Variants in RHCE observed in about 807,000 individuals in gnomAD.
RHCE encodes the protein Rh blood group CcEe antigens.
Under a neutral mutation model 43.8 loss-of-function variants are expected in RHCE, and 22 were observed. The observed-to-expected ratio is 0.50, with a 90% CI of 0.36 to 0.72. RHCE has a LOEUF of 0.72. Ranked by LOEUF, RHCE falls within the 30% of genes least tolerant of loss-of-function variation. The pLI is 0.00. For synonymous variants in RHCE, 156 were observed against 210.7 expected (o/e 0.74, Z 2.25); for missense variants, 385 against 525.4 (o/e 0.73, Z 2.61).
chr1:25,426,293 C>T lies in RHCE; in HGVS notation c.-40+2660G>A, dbSNP rs561286418. 8.5e-5 allele frequency among the ~76,000 whole-genome samples: 13 copies of T among 152,288 alleles called. No individual in the cohort carries two copies. In the South Asian group the frequency reaches 2.7e-3, roughly 32 times the overall value. On this transcript the variant is annotated intron_variant, in intron 2 of 11. Coordinates refer to the RHCE transcript ENST00000349320. ...TATCCTTTCAGATGTTTTTCTATTC[C>T]TGTCGATTTAGGCCTTGTTTTTCTC... is the stretch of plus-strand genomic sequence containing the variant.
intron 6 of RHCE, among the ~76,000 whole-genome samples, chr1:25,387,931 G>A (rs957282619): frequency 1.3e-5 from 2 of 151,596 alleles, no homozygotes; most frequent in African/African-American, 4.9e-5. Flanking sequence ...AGTGATTCTC[G>A]CATCTCAGCC....
intron 3 of RHCE, 109 bp downstream of exon 3, chr1:25,402,487 A>G (rs1383348571): frequency 6.5e-7 from 1 of 1,543,938 alleles, no homozygotes; most frequent in African/African-American, 1.4e-5. Context: ...CAACCTCCCA[A>G]GTAGCTGGGA....
upstream of RHCE, among the ~76,000 whole-genome samples, chr1:25,422,034 T>C (rs937877966): frequency 6.6e-6 from 1 of 152,146 alleles, no homozygotes; most frequent in Non-Finnish European, 1.5e-5. Context: ...ACAATTCCTA[T>C]GTAGATCAGA....
chr1:25,413,905 G>GT (rs1647188502), intron 1 of RHCE, among the ~76,000 whole-genome samples: 1 of 149,748 alleles, frequency 6.7e-6, no homozygotes, highest in African/African-American at 2.4e-5. Flanking sequence ...CATATATAGC[G>GT]TAACGGTGAT....
At chr1:25,410,866 C>A (rs927405496) in intron 1 of RHCE, among the ~76,000 whole-genome samples, 4 of 151,996 alleles carry the variant, frequency 2.6e-5, no homozygotes, top group Non-Finnish European at 5.9e-5. Flanking sequence ...ATGAGGTGGG[C>A]AGATCATGAG....
intron 1 of RHCE, among the ~76,000 whole-genome samples, chr1:25,409,552 C>A (rs1426530679): frequency 8.1e-6 from 1 of 124,130 alleles, no homozygotes; most frequent in Non-Finnish European, 1.8e-5. Context: ...CAGGGAGGGG[C>A]CCAGCAAAGC....
chr1:25,396,275 T>C (rs537380088), intron 3 of RHCE, among the ~76,000 whole-genome samples: 13 of 152,362 alleles, frequency 8.5e-5, no homozygotes, highest in South Asian at 2.1e-4. Context: ...GAGAACTAAA[T>C]GCAAGATGTA....
intron 7 of RHCE, among the ~76,000 whole-genome samples, chr1:25,376,373 C>G (rs978310422): frequency 1.1e-4 from 17 of 152,234 alleles, no homozygotes; most frequent in Non-Finnish European, 1.9e-4. Context: ...TTGTACACAA[C>G]AAGCCAGTTT....
intron 9 of RHCE, among the ~76,000 whole-genome samples, chr1:25,369,724 G>A (rs1179711897): frequency 1.5e-5 from 2 of 135,154 alleles, no homozygotes; most frequent in African/African-American, 5.6e-5. Context: ...CTCACACACT[G>A]TAAGAATTTT....
chr1:25,394,451 G>A (rs111374882), intron 3 of RHCE, among the ~76,000 whole-genome samples: 3 of 152,104 alleles, frequency 2.0e-5, no homozygotes, highest in South Asian at 2.1e-4. Context: ...CCCCCTTGAT[G>A]AGATGAAGCT....
intron 3 of RHCE, among the ~76,000 whole-genome samples, chr1:25,394,409 G>A (rs1646478496): frequency 2.6e-5 from 4 of 151,800 alleles, no homozygotes; most frequent in South Asian, 4.1e-4. Flanking sequence ...TTGTGCACTC[G>A]TTACCTTCAG....
chr1:25,381,902 CTT>C (rs1646014243), intron 7 of RHCE, among the ~76,000 whole-genome samples: 1 of 151,338 alleles, frequency 6.6e-6, no homozygotes, highest in Non-Finnish European at 1.5e-5. Flanking sequence ...CATTAATTTT[CTT>C]TCTTTGTCCA....
intron 2 of RHCE, among the ~76,000 whole-genome samples, chr1:25,405,917 C>T (rs1230782471): frequency 4.1e-5 from 5 of 122,646 alleles, no homozygotes; most frequent in African/African-American, 1.3e-4. Context: ...ACAGCCCTGA[C>T]GGGAACCGGT....
At chr1:25,414,576 T>TA (rs1647232608) in intron 1 of RHCE, among the ~76,000 whole-genome samples, 1 of 152,110 alleles carries the variant, frequency 6.6e-6, no homozygotes, top group Admixed American at 6.6e-5. Flanking sequence ...TTGGAGTGTT[T>TA]ACATGTCACT....
At chr1:25,376,549 A>G (rs1645792526) in intron 7 of RHCE, among the ~76,000 whole-genome samples, 1 of 152,198 alleles carries the variant, frequency 6.6e-6, no homozygotes, top group Non-Finnish European at 1.5e-5. Flanking sequence ...AGTGGGAGAA[A>G]TAATCACAGT....
chr1:25,400,958 T>C (rs994153311), intron 3 of RHCE, among the ~76,000 whole-genome samples: 1 of 152,178 alleles, frequency 6.6e-6, no homozygotes, highest in Non-Finnish European at 1.5e-5. Flanking sequence ...CTCACAGCTA[T>C]TGTCCTAGTC....
rs538202841 is a variant in RHCE at position 25,419,597 on chromosome 1, G to A, written c.148+1042C>T. 3.3e-5 allele frequency among the ~76,000 whole-genome samples: 5 copies of A among 152,120 alleles called. No homozygotes were observed. In the East Asian group the frequency reaches 9.7e-4, roughly 29 times the overall value. On this transcript the variant is annotated intron_variant, in intron 1 of 9. Coordinates refer to ENST00000294413, the MANE Select transcript of RHCE (RefSeq NM_020485.8). Reference sequence around the variant, plus strand: ...CCTGTCCATTATCAACAACCTATCAGCCCACTGAGATGCCTGAAACTCATT... The same window carrying A: ...CCTGTCCATTATCAACAACCTATCAACCCACTGAGATGCCTGAAACTCATT...
chr1:25,416,153 C>G (rs556469342), intron 1 of RHCE, among the ~76,000 whole-genome samples: 3 of 152,058 alleles, frequency 2.0e-5, no homozygotes, highest in African/African-American at 7.2e-5. Context: ...AGTCTCCTAG[C>G]TTTGGAAGGT....
chr1:25,362,296 T>C lies in RHCE; in HGVS notation c.*231A>G, dbSNP rs1645421467. ...TAATGTGTCTGTAACCAAGAAAATA[T>C]TGATAGCATCATCCTAATGAAACTA... On this transcript the variant is annotated 3_prime_UTR_variant, in exon 10 of 10. Coordinates refer to ENST00000294413, the MANE Select transcript of RHCE (RefSeq NM_020485.8). 2 of 934,290 alleles carry C rather than the reference T, an allele frequency of 2.1e-6. No homozygotes were observed. Among genetic ancestry groups the C allele is most frequent in the South Asian group, 1.7e-5 (1 of 58,374 alleles). The allele number at this position is 934,290 out of a possible 1,614,324, so 57.9% of individuals were successfully genotyped here.
Sources: gnomAD v4.1 joint callset for allele counts (sites outside exome capture counted in the v4.1 genomes callset) on GRCh38, gnomAD v4.1.1 for gene constraint, MANE v1.5 for transcripts, NCBI Gene and HGNC (gene_info 2026-07-23, HGNC 2026-07-21) for gene names.